Variants in SRL observed in about 807,000 individuals in gnomAD.
SRL encodes the protein sarcalumenin.
SRL carries 23 observed loss-of-function variants against 39.5 expected under a neutral mutation model. The observed-to-expected ratio is 0.58, with a 90% CI of 0.42 to 0.82. The LOEUF is 0.82. Among genes scored for constraint, SRL ranks in the 40% least tolerant of loss-of-function variants. SRL has a pLI of 0.00. For missense variants in SRL, 592 were observed against 607.8 expected, an observed-to-expected ratio of 0.97 and a Z score of 0.27; for synonymous variants, 272 against 237.4, an observed-to-expected ratio of 1.15 and a Z score of -1.34.
At position 4,218,321 on chromosome 16, in the gene SRL, C is replaced by A. The variant is rs114489720; in HGVS notation, c.62-13687G>T. On this transcript the variant is annotated intron_variant, in intron 1 of 5. Transcript: ENST00000399609. The stretch of plus-strand genomic sequence containing the variant: ...CTGAGAATGGGAGGGAAGCCCTTTC[C>A]GAAGGCAGAGGACCGGTAAGGGCCC... Among the ~76,000 whole-genome samples the A allele has an allele frequency of 4.6e-5, 7 of 152,238 alleles. No homozygotes were observed. In the South Asian group the frequency reaches 1.5e-3, roughly 32 times the overall value.
intron 5 of SRL, among the ~76,000 whole-genome samples, chr16:4,194,384 A>G (rs1012111269): frequency 2.0e-5 from 3 of 152,070 alleles, no homozygotes; most frequent in African/African-American, 7.2e-5. Context: ...GCCTACTCTC[A>G]TGTAAGTGAA....
chr16:4,213,604 T>G (rs575367738), intron 1 of SRL, among the ~76,000 whole-genome samples: 1 of 151,362 alleles, frequency 6.6e-6, no homozygotes, highest in Non-Finnish European at 1.5e-5. Context: ...AGAGATGAGG[T>G]CTCGCTATGT....
At chr16:4,206,996 G>A (rs1483540836) in intron 1 of SRL, 1 of 454,406 alleles carries the variant, frequency 2.2e-6, no homozygotes. Context: ...CACCTTCCTG[G>A]GGCTCCTCGG....
intron 1 of SRL, among the ~76,000 whole-genome samples, chr16:4,228,598 G>A (rs1030543949): frequency 6.6e-6 from 1 of 151,822 alleles, no homozygotes; most frequent in Non-Finnish European, 1.5e-5. Context: ...AGTCAGGCGT[G>A]GTGGCGGGCA....
At chr16:4,238,472 G>A (rs951772379) in intron 1 of SRL, among the ~76,000 whole-genome samples, 1 of 152,170 alleles carries the variant, frequency 6.6e-6, no homozygotes, top group African/African-American at 2.4e-5. Flanking sequence ...GGGATAAGCG[G>A]GTAAAAGCAC....
At chr16:4,210,426 C>A (rs2052377814) in intron 1 of SRL, among the ~76,000 whole-genome samples, 1 of 149,936 alleles carries the variant, frequency 6.7e-6, no homozygotes, top group Admixed American at 6.6e-5. Flanking sequence ...AAAACAGTAT[C>A]TTCATCATAC....
chr16:4,206,260 G>A (rs2052317208), intron 1 of SRL, among the ~76,000 whole-genome samples: 1 of 152,118 alleles, frequency 6.6e-6, no homozygotes, highest in Admixed American at 6.5e-5. Flanking sequence ...TCATGATCCT[G>A]ACCCCTCAGT....
intron 1 of SRL, chr16:4,207,005 G>C (rs551606053): frequency 4.6e-5 from 21 of 453,594 alleles, no homozygotes; most frequent in South Asian, 3.1e-4. Context: ...GGGGCTCCTC[G>C]GCTTCCTGGG....
rs1326793493 is a variant in SRL, at chr16:4,203,325, G to C, written c.164-64C>G. 6.5e-6 allele frequency: 9 copies of C among 1,395,196 alleles called. No homozygotes were observed. In the East Asian group the frequency reaches 2.1e-4, roughly 32 times the overall value. 86.4% of individuals were successfully genotyped at this position (1,395,196 alleles called of 1,614,324 possible). On this transcript the variant is annotated intron_variant, in intron 2 of 5. Transcript: ENST00000399609. ...GTGCGATCCAGGCAGCTCCTCCATT[G>C]TGGAGGGGCCTCACCACCCAGGGCA...
intron 1 of SRL, among the ~76,000 whole-genome samples, 189 bp from the exon 2 acceptor site, chr16:4,204,823 T>C (rs2052298097): frequency 6.6e-6 from 1 of 152,260 alleles, no homozygotes; most frequent in Non-Finnish European, 1.5e-5. Context: ...CCATGTGTAG[T>C]GTATTCGCAT....
Position 4,191,856 on chromosome 16 carries a change from G to T in SRL, c.*297C>A. ...ACCCTCACTGATTTAAGATACACTAGAATTTAGCTGCTCTCTGTCCTTCCA... is the reference window on the plus strand; with the variant it reads ...ACCCTCACTGATTTAAGATACACTATAATTTAGCTGCTCTCTGTCCTTCCA... On this transcript the variant is annotated 3_prime_UTR_variant, in exon 6 of 6. Transcript: ENST00000399609. 2.9e-6 allele frequency: 1 copy of T among 346,232 alleles called. No individual in the cohort carries two copies. Among genetic ancestry groups the T allele is most frequent in the Non-Finnish European group, 5.2e-6 (1 of 191,622 alleles). 21.4% of individuals were successfully genotyped at this position (346,232 alleles called of 1,614,324 possible). A position where few individuals can be genotyped will look rare whatever the true frequency, so the allele number is the denominator to read the frequency against.
At chr16:4,213,386 TTTTTTCTTTTTC>T (rs372374910) in intron 1 of SRL, among the ~76,000 whole-genome samples, 2 of 124,840 alleles carry the variant, frequency 1.6e-5, no homozygotes, top group Non-Finnish European at 3.2e-5. Context: ...CAGCATCTTT[TTTTTTCTTTTTC>T]TTTTTCTTTT....
Position 4,241,162 on chromosome 16 carries a change from G to T in SRL, c.61+845C>A, listed in dbSNP as rs78229902. Among the ~76,000 whole-genome samples the T allele has an allele frequency of 6.9e-3, 1,049 of 152,110 alleles. 20 individuals carry two copies. Among genetic ancestry groups the T allele is most frequent in the African/African-American group, 0.025 (1,017 of 41,470 alleles). On this transcript the variant is annotated intron_variant, in intron 1 of 5. Transcript: ENST00000399609. ...ATGAAAAGACTCGGTGGGCAGTCCG[G>T]ATCCTAGGGGGATCCCCGGAGCACC...
chr16:4,217,029 T>C (rs1415402248), intron 1 of SRL, among the ~76,000 whole-genome samples: 1 of 151,982 alleles, frequency 6.6e-6, no homozygotes, highest in Non-Finnish European at 1.5e-5. Context: ...GGTGAAGGGG[T>C]CAAGGAATCT....
rs184697170 is a variant in SRL at position 4,198,442 on chromosome 16, C to G, written c.260-527G>C. Among the ~76,000 whole-genome samples, 4 of 152,272 alleles carry G rather than the reference C, an allele frequency of 2.6e-5. No homozygotes were observed. In the East Asian group the frequency reaches 7.7e-4, roughly 29 times the overall value. On this transcript the variant is annotated intron_variant, in intron 3 of 5. Coordinates refer to ENST00000399609, the MANE Select transcript of SRL (RefSeq NM_001098814.2). ...ATCCTGGACTCTGAGGCCAGTGTCT[C>G]TCTCTCTCTTTCTGCCCTCTTTTGT...
intron 3 of SRL, among the ~76,000 whole-genome samples, chr16:4,202,942 T>C (rs368415033): frequency 1.3e-5 from 2 of 152,300 alleles, no homozygotes; most frequent in South Asian, 2.1e-4. Flanking sequence ...TGGTAAAGCA[T>C]CGCGCTGTGC....
At chr16:4,222,135 C>T (rs1300746946) in intron 1 of SRL, among the ~76,000 whole-genome samples, 1 of 152,224 alleles carries the variant, frequency 6.6e-6, no homozygotes, top group East Asian at 1.9e-4. Context: ...ACTGCCACTC[C>T]CTTCCCCCAG....
chr16:4,226,385 G>A (rs1272770590), intron 1 of SRL, among the ~76,000 whole-genome samples: 1 of 151,998 alleles, frequency 6.6e-6, no homozygotes. Flanking sequence ...AGGATGGATG[G>A]ATGAACAGAT....
intron 1 of SRL, among the ~76,000 whole-genome samples, chr16:4,225,227 T>C (rs1391230096): frequency 2.6e-5 from 4 of 152,282 alleles, no homozygotes; most frequent in Non-Finnish European, 1.5e-5. Flanking sequence ...ACTACTGAAT[T>C]GTATGCTTTA....
Sources: allele counts gnomAD v4.1 joint callset (sites outside exome capture counted in the v4.1 genomes callset), GRCh38; gene constraint gnomAD v4.1.1; transcripts MANE v1.5; gene names NCBI Gene and HGNC (gene_info 2026-07-23, HGNC 2026-07-21).